The following CCKBR variants were observed in gnomAD, a reference collection of about 807,000 sequenced individuals.
CCKBR encodes gastrin/cholecystokinin type B receptor.
In CCKBR, 33 loss-of-function variants were observed where a neutral mutation model predicts 34.6. The ratio of observed to expected loss-of-function variants is 0.95; its 90% CI spans 0.72 to 1.27. CCKBR has a LOEUF of 1.27. Among genes scored for constraint, CCKBR ranks in the 50% most tolerant of loss-of-function variants. The pLI, the probability that CCKBR is intolerant of heterozygous loss-of-function variation, is 0.00. For synonymous variants in CCKBR, 269 were observed against 267.5 expected, an observed-to-expected ratio of 1.01 and a Z score of -0.06; for missense variants, 652 against 617.4, an observed-to-expected ratio of 1.06 and a Z score of -0.59.
intron 1 of CCKBR, chr11:6,264,625 C>A (rs1848183833): frequency 5.9e-6 from 4 of 682,296 alleles, no homozygotes; most frequent in Non-Finnish European, 8.0e-6. Flanking sequence ...TGTGGATGTA[C>A]CCCAGCAGGT....
intron 1 of CCKBR, among the ~76,000 whole-genome samples, chr11:6,268,795 G>A (rs1024053873): frequency 2.8e-4 from 43 of 152,224 alleles, no homozygotes; most frequent in African/African-American, 9.6e-4. Flanking sequence ...ACAGGCATGG[G>A]TCAGAGAAAG....
Position 6,271,477 on chromosome 11 carries a change from C to T in CCKBR, c.1278C>T (p.Pro426=), listed in dbSNP as rs749073181. The change falls in exon 5 of 5, where the codon CCC becomes CCT. Residue 426 remains proline, a synonymous_variant. Coordinates refer to ENST00000334619, the MANE Select transcript of CCKBR (RefSeq NM_176875.4). ...GGGCTCTTCCCGATGAGGACCCTCC[C>T]ACTCCCTCCATTGCTTCGCTGTCCA... ...RPRALPDEDP[P]TPSIASLSRL... The T allele has an allele frequency of 3.7e-6, 6 of 1,612,516 alleles. No homozygotes were observed. In the Admixed American group the frequency reaches 6.7e-5, roughly 18 times the overall value.
chr11:6,264,366 C>G, intron 1 of CCKBR: 1 of 572,916 alleles, frequency 1.7e-6, no homozygotes, highest in East Asian at 3.0e-5. Flanking sequence ...GAATTTAAGG[C>G]ATCAGCAGCT....
intron 1 of CCKBR, chr11:6,264,661 C>T (rs1388606492): frequency 3.2e-6 from 2 of 623,414 alleles, no homozygotes; most frequent in Non-Finnish European, 5.8e-6. Flanking sequence ...TCTACCCATG[C>T]CTGTTTCCTA....
In CCKBR at chr11:6,271,625, T is replaced by C; in HGVS notation, c.*82T>C. ...AGACATACGAAACACAAACCACAAC[T>C]GACACAGGAAACCAACACCCAAAGC... On this transcript the variant is annotated 3_prime_UTR_variant, in exon 5 of 5. Coordinates refer to ENST00000334619, the MANE Select transcript of CCKBR (RefSeq NM_176875.4). The C allele has an allele frequency of 7.3e-7, 1 of 1,369,570 alleles. No individual in the cohort carries two copies. The highest frequency in any genetic ancestry group is 1.4e-5 in the South Asian group (1 of 70,270). The allele number at this position is 1,369,570 out of a possible 1,614,324, so 84.8% of individuals were successfully genotyped here.
intron 4 of CCKBR, 93 bp downstream of exon 4, chr11:6,270,896 A>T: frequency 1.9e-6 from 3 of 1,610,862 alleles, no homozygotes; most frequent in Non-Finnish European, 2.5e-6. Flanking sequence ...AATGAAGGTG[A>T]GGGTGAGAAG....
At chr11:6,270,856 G>A (rs372487867) in intron 4 of CCKBR, 53 bp downstream of exon 4, 24 of 1,613,014 alleles carry the variant, frequency 1.5e-5, no homozygotes, top group Non-Finnish European at 1.9e-5. Flanking sequence ...TTTGGAGGGC[G>A]ACGGGGCCTG....
intron 1 of CCKBR, among the ~76,000 whole-genome samples, chr11:6,261,462 T>TATATATATATATATATACACAC (rs764173521): frequency 1.6e-5 from 1 of 64,016 alleles, no homozygotes; most frequent in African/African-American, 6.0e-5. Context: ...AAAATATATA[T>TATATATATATATATATACACAC]ACACACACAC....
At position 6,259,966 on chromosome 11, in the gene CCKBR, C is replaced by G; in HGVS notation, c.38C>G (p.Thr13Ser). The change falls in exon 1 of 5, where the codon ACC becomes AGC. Residue 13 changes from threonine (T) to serine (S), a missense_variant. By Grantham distance (58) the Thr-to-Ser change is moderately conservative. Coordinates refer to ENST00000334619, the MANE Select transcript of CCKBR (RefSeq NM_176875.4). ...LLKLNRSVQGTGPGPGASLCR... is the reference protein window; with the variant it reads ...LLKLNRSVQGSGPGPGASLCR... ...AAGCTGAACCGGAGCGTGCAGGGAACCGGACCCGGGCCGGGGGCTTCCCTG... is the reference window on the plus strand; with the variant it reads ...AAGCTGAACCGGAGCGTGCAGGGAAGCGGACCCGGGCCGGGGGCTTCCCTG... 1 of 1,546,632 alleles carries G rather than the reference C, an allele frequency of 6.5e-7. No homozygotes were observed. The highest frequency in any genetic ancestry group is 8.7e-7 in the Non-Finnish European group (1 of 1,151,190).
chr11:6,259,956 G>A lies in CCKBR; in HGVS notation c.28G>A (p.Val10Met), dbSNP rs1264030676. Residue 10 changes from valine (V) to methionine (M), a missense_variant, in exon 1 of 5, where the codon GTG becomes ATG. By Grantham distance (21) the Val-to-Met change is conservative. Transcript: ENST00000334619. MELLKLNRS[V>M]QGTGPGPGAS... ...GGAGCTGCTAAAGCTGAACCGGAGC[G>A]TGCAGGGAACCGGACCCGGGCCGGG... is the stretch of plus-strand genomic sequence containing the variant. 2 of 1,527,800 alleles carry A rather than the reference G, an allele frequency of 1.3e-6. No individual in the cohort carries two copies. The highest frequency in any genetic ancestry group is 2.0e-4 in the Middle Eastern group (1 of 4,952). The allele number at this position is 1,527,800 out of a possible 1,614,324, so 94.6% of individuals were successfully genotyped here. A position where few individuals can be genotyped will look rare whatever the true frequency, so the allele number is the denominator to read the frequency against.
In CCKBR at chr11:6,271,045, G is replaced by A. The variant is rs748172133; in HGVS notation, c.846G>A (p.Glu282=). Residue 282 remains glutamate (E), a synonymous_variant, in exon 5 of 5, where the codon GAG becomes GAA. Transcript: ENST00000334619. ...AVHQNGRCRP[E]TGAVGEDSDG... is the part of the protein sequence containing the mutation. Reference sequence around the variant, plus strand: ...ACCAGAACGGGCGTTGCCGGCCTGAGACTGGCGCGGTTGGCGAAGACAGCG... The same window carrying A: ...ACCAGAACGGGCGTTGCCGGCCTGAAACTGGCGCGGTTGGCGAAGACAGCG... 2.5e-6 allele frequency: 4 copies of A among 1,614,198 alleles called. No homozygotes were observed. Among genetic ancestry groups the A allele is most frequent in the Non-Finnish European group, 2.5e-6 (3 of 1,180,048 alleles).
At chr11:6,262,680 C>G (rs1848150915) in intron 1 of CCKBR, among the ~76,000 whole-genome samples, 1 of 91,360 alleles carries the variant, frequency 1.1e-5, no homozygotes, top group Admixed American at 1.3e-4. Context: ...GTCTGGTAGG[C>G]AAAGAAAGAG....
intron 1 of CCKBR, chr11:6,264,737 A>ACACACACACGCACG (rs6144195): frequency 2.6e-5 from 13 of 508,834 alleles, no homozygotes; most frequent in Admixed American, 1.2e-4. Flanking sequence ...ACACACACAC[A>ACACACACACGCACG]CACACACGCA....
intron 1 of CCKBR, chr11:6,264,541 T>C (rs1225447801): frequency 1.4e-6 from 1 of 700,636 alleles, no homozygotes; most frequent in Non-Finnish European, 2.6e-6. Context: ...CTGAGTCGCC[T>C]GGTCTGATGC....
rs1447691939 is a variant in CCKBR at position 6,261,454 on chromosome 11, A to AAATAT, written c.151+1376_151+1377insATATA. ...GTTGGCAAAAAAAAAAAAAAAAAAA[A>AAATAT]ATATATATACACACACACACACACA... On this transcript the variant is annotated intron_variant, in intron 1 of 4. Transcript: ENST00000334619. Among the ~76,000 whole-genome samples the AAATAT allele has an allele frequency of 4.9e-4, 30 of 60,884 alleles. 1 individual carries two copies. Among genetic ancestry groups the AAATAT allele is most frequent in the African/African-American group, 1.0e-3 (16 of 15,946 alleles). The allele number at this position is 60,884 out of a possible 152,430, so 39.9% of individuals were successfully genotyped here. A position where few individuals can be genotyped will look rare whatever the true frequency, so the allele number is the denominator to read the frequency against.
chr11:6,267,578 T>TA (rs1848227882), intron 1 of CCKBR, among the ~76,000 whole-genome samples: 2 of 152,106 alleles, frequency 1.3e-5, no homozygotes, highest in Non-Finnish European at 1.5e-5. Flanking sequence ...TTAACTTTTT[T>TA]AAAAAAATAA....
chr11:6,268,987 G>C (rs1848248144), intron 1 of CCKBR, among the ~76,000 whole-genome samples: 1 of 152,062 alleles, frequency 6.6e-6, no homozygotes, highest in African/African-American at 2.4e-5. Flanking sequence ...GCTTGAGCAG[G>C]GAGAGAGTCA....
At chr11:6,260,106 C>A (rs892006998) in intron 1 of CCKBR, 27 bp downstream of exon 1, 2 of 1,556,218 alleles carry the variant, frequency 1.3e-6, no homozygotes, top group Non-Finnish European at 1.7e-6. Flanking sequence ...GCCCCCCCCA[C>A]AAGCTATTTC....
intron 1 of CCKBR, among the ~76,000 whole-genome samples, chr11:6,267,794 C>A (rs1267042487): frequency 6.6e-6 from 1 of 152,280 alleles, no homozygotes; most frequent in East Asian, 1.9e-4. Context: ...GTTACAATAA[C>A]ATTACTAGGT....
Sources: gnomAD v4.1 joint callset for allele counts (sites outside exome capture counted in the v4.1 genomes callset) on GRCh38, gnomAD v4.1.1 for gene constraint, MANE v1.5 for transcripts, NCBI Gene and HGNC (gene_info 2026-07-23, HGNC 2026-07-21) for gene names.